The following PTPRD variants were observed in gnomAD, a reference collection of about 807,000 sequenced individuals.
The protein encoded by PTPRD is receptor-type tyrosine-protein phosphatase delta.
In PTPRD, 34 loss-of-function variants were observed where a neutral mutation model predicts 214.5. The observed-to-expected ratio is 0.16, with a 90% CI of 0.12 to 0.21. The LOEUF (loss-of-function observed/expected upper bound fraction) is 0.21, where lower values mean the gene tolerates loss of function less well. PTPRD is among the 10% of genes least tolerant of loss of function. The pLI is 1.00. For synonymous variants in PTPRD, 1,128 were observed against 845.7 expected (o/e 1.33, Z -5.79); for missense variants, 2,545 against 2,398.7 (o/e 1.06, Z -1.27).
At chr9:8,594,774 T>A (rs1467832910) in intron 14 of PTPRD, among the ~76,000 whole-genome samples, 2 of 152,140 alleles carry the variant, frequency 1.3e-5, no homozygotes, top group Admixed American at 6.5e-5. Context: ...GAACTGTGAG[T>A]TGATTAAGCC....
chr9:9,067,095 T>G (rs2099735815), intron 10 of PTPRD, among the ~76,000 whole-genome samples: 2 of 152,128 alleles, frequency 1.3e-5, no homozygotes, highest in African/African-American at 4.8e-5. Flanking sequence ...ATAAAAAAAT[T>G]TAGCCCTCGT....
chr9:10,444,474 T>C (rs947879572), intron 2 of PTPRD, among the ~76,000 whole-genome samples: 7 of 151,852 alleles, frequency 4.6e-5, no homozygotes, highest in African/African-American at 2.4e-5. Flanking sequence ...TAATGTTTCT[T>C]AACTTTCTTT....
At chr9:9,104,809 T>C (rs1269099244) in intron 10 of PTPRD, among the ~76,000 whole-genome samples, 1 of 152,168 alleles carries the variant, frequency 6.6e-6, no homozygotes, top group Non-Finnish European at 1.5e-5. Flanking sequence ...CACTTTCCTA[T>C]GCACTCGGGA....
At chr9:8,684,634 A>G (rs1195420944) in intron 12 of PTPRD, among the ~76,000 whole-genome samples, 1 of 152,190 alleles carries the variant, frequency 6.6e-6, no homozygotes, top group Non-Finnish European at 1.5e-5. Flanking sequence ...AAATTATAGT[A>G]ATTTCTATAT....
chr9:9,398,034 G>C (rs2068577672), intron 8 of PTPRD, among the ~76,000 whole-genome samples: 1 of 151,776 alleles, frequency 6.6e-6, no homozygotes, highest in Non-Finnish European at 1.5e-5. Flanking sequence ...TACCTTTCAA[G>C]TTTATCTCCC....
At chr9:8,451,187 T>G (rs1400044439) in intron 33 of PTPRD, among the ~76,000 whole-genome samples, 2 of 152,204 alleles carry the variant, frequency 1.3e-5, no homozygotes, top group Non-Finnish European at 2.9e-5. Flanking sequence ...TTTGCTCAAG[T>G]GCAGTGCCTT....
intron 4 of PTPRD, among the ~76,000 whole-genome samples, chr9:10,029,855 A>C (rs1211115102): frequency 6.6e-6 from 1 of 152,128 alleles, no homozygotes; most frequent in African/African-American, 2.4e-5. Context: ...GGGGCCAGGG[A>C]CAGAAAGATG....
chr9:9,739,006 G>A (rs187601053), intron 6 of PTPRD, among the ~76,000 whole-genome samples: 34 of 152,130 alleles, frequency 2.2e-4, no homozygotes, highest in Admixed American at 6.5e-4. Flanking sequence ...ATTTCTTAGT[G>A]AGGAACCTCA....
chr9:10,174,404 C>T (rs958849376), intron 3 of PTPRD, among the ~76,000 whole-genome samples: 1 of 152,094 alleles, frequency 6.6e-6, no homozygotes. Flanking sequence ...TCCCTTTCAC[C>T]TTCCACCATG....
intron 9 of PTPRD, among the ~76,000 whole-genome samples, chr9:9,209,770 A>AGCCAC (rs2099947341): frequency 6.6e-6 from 1 of 152,208 alleles, no homozygotes; most frequent in Non-Finnish European, 1.5e-5. Flanking sequence ...AAAATATTTA[A>AGCCAC]AAATATATAT....
chr9:9,939,013 C>CTTT (rs58215302), intron 4 of PTPRD, among the ~76,000 whole-genome samples: 3 of 148,140 alleles, frequency 2.0e-5, no homozygotes, highest in Non-Finnish European at 3.0e-5. Context: ...TTCTGAATTC[C>CTTT]TTTTTTTTTT....
chr9:8,941,852 C>A (rs2099035953), intron 11 of PTPRD, among the ~76,000 whole-genome samples: 1 of 152,130 alleles, frequency 6.6e-6, no homozygotes, highest in Non-Finnish European at 1.5e-5. Context: ...TTTGCCTAGG[C>A]TGGAGTGCAA....
intron 12 of PTPRD, among the ~76,000 whole-genome samples, chr9:8,698,154 T>A (rs2097969182): frequency 6.6e-6 from 1 of 152,198 alleles, no homozygotes; most frequent in African/African-American, 2.4e-5. Flanking sequence ...AAAATGAGGA[T>A]CAAAGTTGAT....
chr9:9,668,061 C>A (rs1445821476), intron 7 of PTPRD, among the ~76,000 whole-genome samples: 2 of 152,032 alleles, frequency 1.3e-5, no homozygotes, highest in African/African-American at 4.8e-5. Flanking sequence ...TCATAGATTG[C>A]CCTCATCCCA....
chr9:9,869,650 A>G (rs2064928038), intron 5 of PTPRD, among the ~76,000 whole-genome samples: 1 of 152,150 alleles, frequency 6.6e-6, no homozygotes, highest in Admixed American at 6.6e-5. Context: ...TCTAGATGTA[A>G]TGATCAAACA....
chr9:10,557,537 G>C (rs1044873678), intron 2 of PTPRD, among the ~76,000 whole-genome samples: 1 of 152,094 alleles, frequency 6.6e-6, no homozygotes, highest in Non-Finnish European at 1.5e-5. Context: ...TATTCACAAA[G>C]TTTTCACTGC....
intron 9 of PTPRD, among the ~76,000 whole-genome samples, chr9:9,206,952 C>G (rs189652517): frequency 6.6e-6 from 1 of 152,108 alleles, no homozygotes; most frequent in Non-Finnish European, 1.5e-5. Context: ...AGTTCTGTCC[C>G]TCTAGAGAAC....
At position 8,316,454 on chromosome 9, in the gene PTPRD, G is replaced by A. The variant is rs1036156239; in HGVS notation, c.*1420C>T. 10 of 230,590 alleles carry A rather than the reference G, an allele frequency of 4.3e-5. No homozygotes were observed. The highest frequency in any genetic ancestry group is 4.0e-4 in the Admixed American group (7 of 17,654). The allele number at this position is 230,590 out of a possible 1,614,324, so 14.3% of individuals were successfully genotyped here. A position where few individuals can be genotyped will look rare whatever the true frequency, so the allele number is the denominator to read the frequency against. ...AACAGAGTAACATGAATTTGGCTTT[G>A]CCCCTGTTACATATCATAAATGCAA... On this transcript the variant is annotated 3_prime_UTR_variant, in exon 46 of 46. Transcript: ENST00000381196.
chr9:9,891,688 C>T (rs183866837), intron 5 of PTPRD, among the ~76,000 whole-genome samples: 15 of 152,084 alleles, frequency 9.9e-5, no homozygotes, highest in Admixed American at 9.2e-4. Context: ...GTCAAATATA[C>T]ACTATTTCCT....
Sources: allele counts gnomAD v4.1 joint callset (sites outside exome capture counted in the v4.1 genomes callset), GRCh38; gene constraint gnomAD v4.1.1; transcripts MANE v1.5; gene names NCBI Gene and HGNC (gene_info 2026-07-23, HGNC 2026-07-21).